SCAPER: variants seen among roughly 807,000 people sequenced by gnomAD.
SCAPER encodes S-phase cyclin A associated protein in the ER.
Under a neutral mutation model 182.2 loss-of-function variants are expected in SCAPER, and 98 were observed. That is an observed-to-expected ratio of 0.54 (90% CI 0.46 to 0.64). The LOEUF (loss-of-function observed/expected upper bound fraction) is 0.64. Among genes scored for constraint, SCAPER ranks in the 30% least tolerant of loss-of-function variants. The pLI is 0.00. For missense variants in SCAPER, 1,432 were observed against 1,690.0 expected (o/e 0.85, Z 2.68); for synonymous variants, 605 against 564.6 (o/e 1.07, Z -1.01).
chr15:76,868,526 A>G (rs1437624122), intron 2 of SCAPER, among the ~76,000 whole-genome samples: 7 of 152,214 alleles, frequency 4.6e-5, no homozygotes, highest in Non-Finnish European at 1.5e-5. Flanking sequence ...AAATCAAGAA[A>G]GCAATCCCAT....
intron 2 of SCAPER, among the ~76,000 whole-genome samples, chr15:76,864,395 G>A (rs1044080428): frequency 6.6e-6 from 1 of 152,238 alleles, no homozygotes; most frequent in South Asian, 2.1e-4. Flanking sequence ...CTACATTACA[G>A]CATTTACGTA....
chr15:76,516,692 T>A (rs1239149802), intron 23 of SCAPER, among the ~76,000 whole-genome samples: 1 of 152,202 alleles, frequency 6.6e-6, no homozygotes, highest in Non-Finnish European at 1.5e-5. Context: ...CATGTGTCTT[T>A]ATAGTAGAAT....
At chr15:76,390,520 G>A (rs1174452150) in intron 27 of SCAPER, among the ~76,000 whole-genome samples, 1 of 152,186 alleles carries the variant, frequency 6.6e-6, no homozygotes, top group Non-Finnish European at 1.5e-5. Context: ...GGAAAACGAA[G>A]GGTGAATGGA....
At chr15:76,826,234 A>T (rs1490576215) in intron 5 of SCAPER, among the ~76,000 whole-genome samples, 1 of 152,056 alleles carries the variant, frequency 6.6e-6, no homozygotes, top group Non-Finnish European at 1.5e-5. Flanking sequence ...ATGCAGTCAT[A>T]AAAAATGATG....
intron 21 of SCAPER, among the ~76,000 whole-genome samples, chr15:76,630,889 G>A (rs139385445): frequency 1.1e-4 from 17 of 152,296 alleles, no homozygotes; most frequent in African/African-American, 3.4e-4. Flanking sequence ...GATATTGACA[G>A]TGGAGTGTTA....
intron 23 of SCAPER, among the ~76,000 whole-genome samples, chr15:76,520,751 T>C (rs1005036551): frequency 6.6e-6 from 1 of 152,144 alleles, no homozygotes; most frequent in Admixed American, 6.5e-5. Context: ...AGAAAATAAG[T>C]AGTTGGCTTA....
At chr15:76,435,560 C>CA (rs1267289066) in intron 25 of SCAPER, among the ~76,000 whole-genome samples, 1 of 152,180 alleles carries the variant, frequency 6.6e-6, no homozygotes, top group Non-Finnish European at 1.5e-5. Flanking sequence ...TACTACACAG[C>CA]TCTAGGTTAG....
At chr15:76,568,132 G>A (rs1226157578) in intron 23 of SCAPER, among the ~76,000 whole-genome samples, 1 of 150,398 alleles carries the variant, frequency 6.6e-6, no homozygotes, top group African/African-American at 2.5e-5. Flanking sequence ...ACAACGTTTT[G>A]TGGTGCTTCC....
At chr15:76,563,997 G>T (rs539223443) in intron 23 of SCAPER, among the ~76,000 whole-genome samples, 5 of 152,134 alleles carry the variant, frequency 3.3e-5, no homozygotes, top group Non-Finnish European at 7.4e-5. Flanking sequence ...AATAAAGTAG[G>T]TATTAAAATA....
intron 15 of SCAPER, among the ~76,000 whole-genome samples, chr15:76,734,456 T>C (rs2151065691): frequency 6.6e-6 from 1 of 152,302 alleles, no homozygotes; most frequent in African/African-American, 2.4e-5. Context: ...ATTTTATAAA[T>C]CTCAGAAAAG....
chr15:76,483,132 T>C (rs1305410846), intron 24 of SCAPER, among the ~76,000 whole-genome samples: 1 of 151,966 alleles, frequency 6.6e-6, no homozygotes, highest in Admixed American at 6.6e-5. Context: ...GAATGTGGTA[T>C]TGGTGAAAAA....
At position 76,414,212 on chromosome 15, in the gene SCAPER, A is replaced by G. The variant is rs192408101; in HGVS notation, c.3312-9533T>C. Among the ~76,000 whole-genome samples, 304 of 152,252 alleles carry G rather than the reference A, an allele frequency of 2.0e-3. 2 individuals carry two copies. The highest frequency in any genetic ancestry group is 3.4e-3 in the Non-Finnish European group (231 of 68,014). On this transcript the variant is annotated intron_variant, in intron 26 of 31. Transcript: ENST00000563290. ...AGTATTCCCTCCTCTCCCTTGAGAG[A>G]GTTTGTGTATGATTGGCATATTTCT...
intron 25 of SCAPER, among the ~76,000 whole-genome samples, chr15:76,460,532 C>A (rs1434949296): frequency 1.3e-5 from 2 of 152,076 alleles, no homozygotes; most frequent in African/African-American, 2.4e-5. Context: ...TTCTGAGCTT[C>A]TTGAATCTGC....
chr15:76,395,584 T>G (rs2043993488), intron 27 of SCAPER, among the ~76,000 whole-genome samples: 1 of 152,208 alleles, frequency 6.6e-6, no homozygotes, highest in Admixed American at 6.5e-5. Context: ...TTGATTTGCA[T>G]TTCTCTGATG....
intron 20 of SCAPER, among the ~76,000 whole-genome samples, chr15:76,669,131 CTTAGAGATATGGCTGGAAATAGGT>C (rs1373801947): frequency 1.3e-5 from 2 of 152,068 alleles, no homozygotes; most frequent in African/African-American, 4.8e-5. Flanking sequence ...TGACTACTAC[CTTAGAGATATGGCTGGAAATAGGT>C]CTGAGCTACA....
At chr15:76,437,087 TTTGA>T (rs1198699575) in intron 25 of SCAPER, among the ~76,000 whole-genome samples, 1 of 152,188 alleles carries the variant, frequency 6.6e-6, no homozygotes, top group African/African-American at 2.4e-5. Context: ...TCTATTTAAC[TTTGA>T]TTGAAACTGG....
chr15:76,441,702 CAG>C (rs1291725065), intron 25 of SCAPER, among the ~76,000 whole-genome samples: 1 of 152,116 alleles, frequency 6.6e-6, no homozygotes, highest in East Asian at 1.9e-4. Flanking sequence ...TAAGTTATGC[CAG>C]AGTGTCTTAT....
At chr15:76,383,119 C>CA (rs759722506) in intron 27 of SCAPER, among the ~76,000 whole-genome samples, 2 of 145,764 alleles carry the variant, frequency 1.4e-5, no homozygotes, top group African/African-American at 2.5e-5. Context: ...CACACACACA[C>CA]CTACACACAC....
intron 23 of SCAPER, among the ~76,000 whole-genome samples, chr15:76,569,592 T>C (rs1313656321): frequency 6.6e-6 from 1 of 152,156 alleles, no homozygotes; most frequent in Non-Finnish European, 1.5e-5. Context: ...TAAATTGATT[T>C]GTAAGTTTTG....
Sources: gnomAD v4.1 joint callset for allele counts (sites outside exome capture counted in the v4.1 genomes callset) on GRCh38, gnomAD v4.1.1 for gene constraint, MANE v1.5 for transcripts, NCBI Gene and HGNC (gene_info 2026-07-23, HGNC 2026-07-21) for gene names.